The following FLRT1 variants were observed in gnomAD, a reference collection of about 807,000 sequenced individuals.
FLRT1 encodes the protein fibronectin leucine rich transmembrane protein 1, also known as leucine-rich repeat transmembrane protein FLRT1.
FLRT1 carries 14 observed loss-of-function variants against 30.9 expected under a neutral mutation model. That is an observed-to-expected ratio of 0.45 (90% CI 0.30 to 0.71). FLRT1 has a LOEUF of 0.71. Ranked by LOEUF, FLRT1 falls within the 30% of genes least tolerant of loss-of-function variation. The pLI is 0.08. For synonymous variants in FLRT1, 368 were observed against 430.4 expected, an observed-to-expected ratio of 0.85 and a Z score of 1.80; for missense variants, 737 against 949.2, an observed-to-expected ratio of 0.78 and a Z score of 2.94.
At chr11:64,099,182 A>G (rs2134550752) in intron 1 of FLRT1, among the ~76,000 whole-genome samples, 1 of 152,334 alleles carries the variant, frequency 6.6e-6, no homozygotes, top group East Asian at 1.9e-4. Context: ...CCCCAGAACC[A>G]CAGCACAGCG....
chr11:64,091,152 G>A (rs1944483300), intron 1 of FLRT1, among the ~76,000 whole-genome samples: 1 of 139,326 alleles, frequency 7.2e-6, no homozygotes, highest in Non-Finnish European at 1.6e-5. Context: ...GAGGAGGATA[G>A]AAGAGGGATG....
chr11:64,076,578 C>T (rs1944206498), intron 1 of FLRT1, among the ~76,000 whole-genome samples: 2 of 152,196 alleles, frequency 1.3e-5, no homozygotes, highest in South Asian at 4.1e-4. Flanking sequence ...AGAACTTAGT[C>T]ATCCTCACAA....
chr11:64,073,976 G>T (rs1174063349), intron 1 of FLRT1, among the ~76,000 whole-genome samples: 1 of 152,152 alleles, frequency 6.6e-6, no homozygotes, highest in East Asian at 1.9e-4. Flanking sequence ...TGCTTTGGAG[G>T]CCCAGGCACA....
At chr11:64,077,689 G>T (rs1944228296) in intron 1 of FLRT1, among the ~76,000 whole-genome samples, 3 of 152,158 alleles carry the variant, frequency 2.0e-5, no homozygotes. Flanking sequence ...CCCCCTTGTT[G>T]TCTGGGAGCA....
intron 1 of FLRT1, among the ~76,000 whole-genome samples, chr11:64,056,978 C>G (rs1200499199): frequency 6.6e-6 from 1 of 152,230 alleles, no homozygotes; most frequent in Non-Finnish European, 1.5e-5. Flanking sequence ...CCGGGTACAG[C>G]CTTGGCCCTT....
intron 2 of FLRT1, among the ~76,000 whole-genome samples, chr11:64,114,956 A>G (rs1380109983): frequency 6.6e-6 from 1 of 152,208 alleles, no homozygotes; most frequent in Non-Finnish European, 1.5e-5. Context: ...GAGAAGACAG[A>G]AAGTTTGGCC....
intron 1 of FLRT1, among the ~76,000 whole-genome samples, chr11:64,078,448 C>T (rs556734189): frequency 6.6e-6 from 1 of 152,308 alleles, no homozygotes; most frequent in East Asian, 1.9e-4. Flanking sequence ...AATCCAATTA[C>T]GCCAGGAAAC....
intron 1 of FLRT1, among the ~76,000 whole-genome samples, chr11:64,059,900 G>A (rs1357384185): frequency 1.3e-5 from 2 of 152,178 alleles, no homozygotes; most frequent in African/African-American, 2.4e-5. Context: ...GAGGAGGCGA[G>A]GCGAGGCTGG....
At chr11:64,093,292 C>T (rs1011180817) in intron 1 of FLRT1, among the ~76,000 whole-genome samples, 10 of 152,228 alleles carry the variant, frequency 6.6e-5, no homozygotes, top group African/African-American at 1.9e-4. Flanking sequence ...ATCTAGAACT[C>T]GATCGAGTCA....
chr11:64,067,398 A>T lies in FLRT1; in HGVS notation c.-1038+31239A>T, dbSNP rs76628678. 1.3e-5 allele frequency among the ~76,000 whole-genome samples: 2 copies of T among 152,162 alleles called. No individual in the cohort carries two copies. Among genetic ancestry groups the T allele is most frequent in the Non-Finnish European group, 2.9e-5 (2 of 68,022 alleles). ...GACGTGAAAATGAAATATAGATTCA[A>T]TACCTGAGCCTTTCAGCTCACAAAT... On this transcript the variant is annotated intron_variant, in intron 1 of 2. Coordinates refer to ENST00000682287, the MANE Select transcript of FLRT1 (RefSeq NM_013280.5). This position sits in a 1 kb window ranked among gnomAD's most constrained non-coding sequence, Gnocchi z 4.6.
intron 1 of FLRT1, among the ~76,000 whole-genome samples, chr11:64,039,885 G>A (rs1943453007): frequency 6.6e-6 from 1 of 152,158 alleles, no homozygotes; most frequent in South Asian, 2.1e-4. Flanking sequence ...GGGTGGGGGA[G>A]AGGACAGGGA....
chr11:64,100,536 C>G (rs1944653379), intron 1 of FLRT1, among the ~76,000 whole-genome samples: 1 of 152,190 alleles, frequency 6.6e-6, no homozygotes, highest in African/African-American at 2.4e-5. Context: ...TCACTCGAGC[C>G]AGAAGGGTGG....
chr11:64,112,366 T>C (rs1188955713), intron 2 of FLRT1, among the ~76,000 whole-genome samples: 3 of 151,870 alleles, frequency 2.0e-5, no homozygotes, highest in Non-Finnish European at 4.4e-5. Flanking sequence ...TACAAAAAAT[T>C]AGCTGGGCAT....
chr11:64,045,477 G>T (rs1015775730), intron 1 of FLRT1, among the ~76,000 whole-genome samples: 1 of 152,224 alleles, frequency 6.6e-6, no homozygotes, highest in Admixed American at 6.5e-5. Flanking sequence ...TTTCTGCAGC[G>T]TGGGCCCTGC....
At chr11:64,071,226 A>G (rs1944102454) in intron 1 of FLRT1, among the ~76,000 whole-genome samples, 1 of 151,500 alleles carries the variant, frequency 6.6e-6, no homozygotes, top group Non-Finnish European at 1.5e-5. Context: ...CCTCCCTAAG[A>G]CCCTGTCAGG....
In FLRT1 at chr11:64,079,468, C is replaced by T. The variant is rs191230070; in HGVS notation, c.-1037-23726C>T. On this transcript the variant is annotated intron_variant, in intron 1 of 2. Coordinates refer to ENST00000682287, the MANE Select transcript of FLRT1 (RefSeq NM_013280.5). ...GATCCAAGAAATGAGCAGCCGGGCA[C>T]GCAGGGGCAGGAATGGGGCAGGGAT... Among the ~76,000 whole-genome samples, 366 of 152,138 alleles carry T rather than the reference C, an allele frequency of 2.4e-3. 2 individuals are homozygous for T. The highest frequency in any genetic ancestry group is 8.4e-3 in the African/African-American group (350 of 41,484).
chr11:64,113,810 GA>G (rs1944909424), intron 2 of FLRT1, among the ~76,000 whole-genome samples: 4 of 147,060 alleles, frequency 2.7e-5, no homozygotes, highest in African/African-American at 2.5e-5. Context: ...ATGGATGAAT[GA>G]ACAGGTGGAC....
intron 1 of FLRT1, among the ~76,000 whole-genome samples, chr11:64,061,269 A>T (rs908656952): frequency 2.0e-5 from 3 of 152,224 alleles, no homozygotes; most frequent in African/African-American, 7.2e-5. Context: ...GCTGGCTGTC[A>T]GGGCAGATGG....
At chr11:64,071,806 T>A (rs1184313038) in intron 1 of FLRT1, among the ~76,000 whole-genome samples, 3 of 151,348 alleles carry the variant, frequency 2.0e-5, no homozygotes, top group Non-Finnish European at 2.9e-5. Flanking sequence ...GGCCAAGGGG[T>A]AGGGATGGAT....
Sources: gnomAD v4.1 joint callset for allele counts (sites outside exome capture counted in the v4.1 genomes callset) on GRCh38, gnomAD v4.1.1 for gene constraint, Gnocchi (gnomAD v3.1) non-coding constraint, MANE v1.5 for transcripts, NCBI Gene and HGNC (gene_info 2026-07-23, HGNC 2026-07-21) for gene names.